The following SERINC2 variants were observed in gnomAD, a reference collection of about 807,000 sequenced individuals.
The protein encoded by SERINC2 is serine incorporator 2, also known as tumor differentially expressed protein 2.
A neutral mutation model predicts 54.2 loss-of-function variants in SERINC2; 56 were observed. The ratio of observed to expected loss-of-function variants is 1.03; its 90% CI spans 0.83 to 1.29. The LOEUF (loss-of-function observed/expected upper bound fraction) is 1.29, where lower values mean the gene tolerates loss of function less well. SERINC2 is among the 50% of genes most tolerant of loss of function. The pLI is 0.00. For synonymous variants in SERINC2, 272 were observed against 253.1 expected (o/e 1.07, Z -0.71); for missense variants, 614 against 607.4 (o/e 1.01, Z -0.12).
At chr1:31,421,968 C>G (rs1640911574) in intron 1 of SERINC2, among the ~76,000 whole-genome samples, 1 of 152,170 alleles carries the variant, frequency 6.6e-6, no homozygotes, top group African/African-American at 2.4e-5. Context: ...GTCTCCTCAT[C>G]CCTCTGCTCT....
intron 8 of SERINC2, among the ~76,000 whole-genome samples, chr1:31,431,923 AGGGTG>A: frequency 7.3e-6 from 1 of 137,792 alleles, no homozygotes; most frequent in Admixed American, 7.2e-5. Context: ...TAGGGTGGTT[AGGGTG>A]GATAGGGTGG....
At position 31,413,324 on chromosome 1, in the gene SERINC2, C is replaced by T; in HGVS notation, c.39+20C>T. On this transcript the variant is annotated intron_variant, in intron 1 of 9. Coordinates refer to ENST00000373709, the MANE Select transcript of SERINC2 (RefSeq NM_178865.5). This position sits in a 1 kb window ranked among gnomAD's most constrained non-coding sequence, Gnocchi z 5.0. ...AGCTGCGTGAGTCCCGACCCCGGCG[C>T]CCGCCCGCGCGCGCCGCCCGTTCCT... 1.6e-6 allele frequency: 2 copies of T among 1,240,582 alleles called. No individual in the cohort carries two copies. The highest frequency in any genetic ancestry group is 2.0e-6 in the Non-Finnish European group (2 of 987,454). The allele number at this position is 1,240,582 out of a possible 1,614,324, so 76.8% of individuals were successfully genotyped here. A position where few individuals can be genotyped will look rare whatever the true frequency, so the allele number is the denominator to read the frequency against.
At chr1:31,418,910 G>A (rs1157636905) in intron 1 of SERINC2, among the ~76,000 whole-genome samples, 1 of 152,214 alleles carries the variant, frequency 6.6e-6, no homozygotes, top group East Asian at 1.9e-4. Context: ...TGTGCAAGCA[G>A]CAGAGGATGG....
chr1:31,414,292 C>G (rs935368074), intron 1 of SERINC2: 1 of 1,312,966 alleles, frequency 7.6e-7, no homozygotes, highest in Non-Finnish European at 9.6e-7. Context: ...TCCTCTTCCC[C>G]TCATTAAATC....
intron 8 of SERINC2, among the ~76,000 whole-genome samples, chr1:31,430,459 C>T (rs1641164244): frequency 1.3e-5 from 2 of 151,536 alleles, no homozygotes; most frequent in South Asian, 4.2e-4. Flanking sequence ...ATTGCTTGGG[C>T]CCAGGAGTTC....
intron 8 of SERINC2, among the ~76,000 whole-genome samples, chr1:31,431,552 A>G (rs1641200595): frequency 6.6e-6 from 1 of 152,116 alleles, no homozygotes; most frequent in Admixed American, 6.5e-5. Flanking sequence ...CCCCTCCCCG[A>G]CCTGGCACAG....
chr1:31,426,599 C>A, intron 5 of SERINC2, 55 bp from the exon 6 acceptor site: 1 of 1,470,924 alleles, frequency 6.8e-7, no homozygotes. Context: ...GAGTAGGGAT[C>A]CCTGTTCCTC....
intron 8 of SERINC2, among the ~76,000 whole-genome samples, chr1:31,431,302 ATT>A (rs113450135): frequency 7.0e-6 from 1 of 143,576 alleles, no homozygotes; most frequent in Non-Finnish European, 1.5e-5. Context: ...TTAAAAAAAC[ATT>A]TTTTTTTTTT....
At position 31,424,700 on chromosome 1, in the gene SERINC2, G is replaced by T; in HGVS notation, c.219G>T (p.Glu73Asp). The change falls in exon 3 of 10, where the codon GAG becomes GAT. Residue 73 changes from glutamate to aspartate, a missense_variant. By Grantham distance (45) the Glu-to-Asp change is conservative. Coordinates refer to ENST00000373709, the MANE Select transcript of SERINC2 (RefSeq NM_178865.5). ...SQLYKLPWVC[E>D]EGAGIPTVLQ... is the part of the protein sequence containing the mutation. ...CTCCACAGCTGCCCTGGGTGTGTGAGGAGGGGGCCGGGATCCCCACCGTCC... is the reference window on the plus strand; with the variant it reads ...CTCCACAGCTGCCCTGGGTGTGTGATGAGGGGGCCGGGATCCCCACCGTCC... 6.2e-7 allele frequency: 1 copy of T among 1,601,526 alleles called. No individual in the cohort carries two copies. The highest frequency in any genetic ancestry group is 1.7e-5 in the Admixed American group (1 of 57,942).
rs561861030 is a variant in SERINC2, at chr1:31,419,996, G to A, written c.40-3697G>A. On this transcript the variant is annotated intron_variant, in intron 1 of 9. Transcript: ENST00000373709. Reference sequence around the variant, plus strand: ...TGCACTCTAGCTTGGGTGACAGAACGAGATCCTGTCTCAAAAATTTTTCCC... The same window carrying A: ...TGCACTCTAGCTTGGGTGACAGAACAAGATCCTGTCTCAAAAATTTTTCCC... 1.1e-4 allele frequency among the ~76,000 whole-genome samples: 15 copies of A among 142,642 alleles called. No homozygotes were observed. In the South Asian group the frequency reaches 2.8e-3, roughly 27 times the overall value. The allele number at this position is 142,642 out of a possible 152,430, so 93.6% of individuals were successfully genotyped here.
chr1:31,410,452 A>T, upstream of SERINC2: 1 of 1,550,206 alleles, frequency 6.5e-7, no homozygotes. Context: ...TATGCCTTCC[A>T]TGCTGGGCGT....
chr1:31,431,986 AGGGT>A, intron 8 of SERINC2, among the ~76,000 whole-genome samples: 1 of 143,356 alleles, frequency 7.0e-6, no homozygotes, highest in African/African-American at 2.7e-5. Flanking sequence ...TAGGGTGGAT[AGGGT>A]GGATAGGGTG....
intron 1 of SERINC2, among the ~76,000 whole-genome samples, chr1:31,418,961 G>C (rs1393990522): frequency 1.3e-5 from 2 of 152,192 alleles, no homozygotes; most frequent in Non-Finnish European, 2.9e-5. Context: ...AAAGAGAATG[G>C]ATTGGTTGAA....
At chr1:31,410,354 T>C (rs782339324), upstream of SERINC2, 7 of 1,548,350 alleles carry the variant, frequency 4.5e-6, no homozygotes, top group Non-Finnish European at 6.1e-6. Context: ...CTCAGATAGC[T>C]GGGGTAAAAA....
intron 1 of SERINC2, among the ~76,000 whole-genome samples, chr1:31,420,893 C>G (rs1468430301): frequency 6.6e-6 from 1 of 152,160 alleles, no homozygotes; most frequent in African/African-American, 2.4e-5. Flanking sequence ...TGCTGTGTGA[C>G]CTCTGGTAAG....
intron 6 of SERINC2, among the ~76,000 whole-genome samples, chr1:31,427,320 G>A (rs905292631): frequency 6.6e-5 from 10 of 152,174 alleles, no homozygotes; most frequent in African/African-American, 1.9e-4. Context: ...GAGGAACTGC[G>A]TGTTCTTCAG....
intron 1 of SERINC2, among the ~76,000 whole-genome samples, chr1:31,415,426 T>C (rs1236933402): frequency 6.6e-6 from 1 of 152,142 alleles, no homozygotes; most frequent in Non-Finnish European, 1.5e-5. Context: ...TCTCATTGGC[T>C]CTCCCCACCT....
chr1:31,433,989 G>T, intron 9 of SERINC2, 75 bp from the exon 10 acceptor site: 1 of 1,496,276 alleles, frequency 6.7e-7, no homozygotes, highest in Middle Eastern at 1.7e-4. Context: ...GTCATAACTG[G>T]GACATAAGGC....
chr1:31,432,431 T>C (rs887878718), intron 8 of SERINC2, among the ~76,000 whole-genome samples: 3 of 152,246 alleles, frequency 2.0e-5, no homozygotes, highest in South Asian at 2.1e-4. Context: ...GTTGTTCTTT[T>C]TTTAGTGTAA....
Sources: allele counts gnomAD v4.1 joint callset (sites outside exome capture counted in the v4.1 genomes callset), GRCh38; gene constraint gnomAD v4.1.1; non-coding constraint Gnocchi (gnomAD v3.1); transcripts MANE v1.5; gene names NCBI Gene and HGNC (gene_info 2026-07-23, HGNC 2026-07-21).